The following LRMDA variants were observed in gnomAD, a reference collection of about 807,000 sequenced individuals.
LRMDA encodes the protein leucine rich melanocyte differentiation associated, also known as leucine-rich melanocyte differentiation-associated protein.
LRMDA carries 18 observed loss-of-function variants against 29.8 expected under a neutral mutation model. The ratio of observed to expected loss-of-function variants is 0.60; its 90% CI spans 0.42 to 0.90. The LOEUF is 0.90. Among genes scored for constraint, LRMDA ranks in the 40% least tolerant of loss-of-function variants. The pLI, the probability that LRMDA is intolerant of heterozygous loss-of-function variation, is 0.00. For synonymous variants in LRMDA, 125 were observed against 109.4 expected, an observed-to-expected ratio of 1.14 and a Z score of -0.89; for missense variants, 273 against 273.9, an observed-to-expected ratio of 1.00 and a Z score of 0.02.
chr10:76,436,174 G>A (rs879172107), intron 6 of LRMDA, among the ~76,000 whole-genome samples: 10 of 152,318 alleles, frequency 6.6e-5, no homozygotes, highest in Admixed American at 1.3e-4. Context: ...AGAAGCAGAT[G>A]AGTAGAGGTT....
At chr10:76,289,974 T>A (rs755612448) in intron 5 of LRMDA, among the ~76,000 whole-genome samples, 2 of 152,180 alleles carry the variant, frequency 1.3e-5, no homozygotes, top group Non-Finnish European at 2.9e-5. Context: ...GGTTCTCCAA[T>A]GCCTGCAAGG....
Position 76,225,696 on chromosome 10 carries a change from TTTTATTTATTTA to T in LRMDA, c.517-98690_517-98679del, listed in dbSNP as rs141422770. Among the ~76,000 whole-genome samples the T allele has an allele frequency of 4.1e-5, 6 of 144,990 alleles. No individual in the cohort carries two copies. In the South Asian group the frequency reaches 1.1e-3, roughly 27 times the overall value. ...GAAATATCTGAGACTGGGTAATTTA[TTTTATTTATTTA>T]TTTATTTATTTATTATTATATATAT... is the stretch of plus-strand genomic sequence containing the variant. On this transcript the variant is annotated intron_variant, in intron 5 of 6. Coordinates refer to ENST00000611255, the MANE Select transcript of LRMDA (RefSeq NM_001305581.2).
intron 2 of LRMDA, among the ~76,000 whole-genome samples, chr10:75,561,589 C>T (rs1589184805): frequency 6.6e-6 from 1 of 150,832 alleles, no homozygotes; most frequent in Non-Finnish European, 1.5e-5. Context: ...AATGTGTTTG[C>T]TCTTGCTTTT....
intron 3 of LRMDA, among the ~76,000 whole-genome samples, chr10:76,041,979 A>G (rs1396719560): frequency 6.6e-6 from 1 of 152,162 alleles, no homozygotes; most frequent in East Asian, 1.9e-4. Context: ...TTAGCCAGGG[A>G]CACCAGGTTT....
intron 2 of LRMDA, among the ~76,000 whole-genome samples, chr10:75,922,231 AAAG>A (rs1412419229): frequency 2.0e-5 from 3 of 152,168 alleles, no homozygotes; most frequent in Non-Finnish European, 2.9e-5. Flanking sequence ...CACTATTTAG[AAAG>A]AAGAAGTGTT....
chr10:76,216,862 A>C (rs1851738112), intron 5 of LRMDA, among the ~76,000 whole-genome samples: 1 of 152,250 alleles, frequency 6.6e-6, no homozygotes, highest in African/African-American at 2.4e-5. Flanking sequence ...TTCGTACCTA[A>C]AAACCAAAGG....
chr10:76,212,065 A>G (rs2132246685), intron 5 of LRMDA, among the ~76,000 whole-genome samples: 2 of 152,334 alleles, frequency 1.3e-5, no homozygotes, highest in East Asian at 3.9e-4. Flanking sequence ...CAAGACTCTC[A>G]GCATCACAGA....
chr10:75,469,596 G>C (rs1171870532), intron 2 of LRMDA, among the ~76,000 whole-genome samples: 2 of 152,182 alleles, frequency 1.3e-5, no homozygotes, highest in Admixed American at 1.3e-4. Context: ...GCGTGTGTGT[G>C]TGTGTGTGTT....
In LRMDA at chr10:75,627,358, A is replaced by G. The variant is rs905176943; in HGVS notation, c.131+188864A>G. The stretch of plus-strand genomic sequence containing the variant: ...ATTTTCCTTGGAAACTGTCTCCCCT[A>G]TAACAGTTTTCCTGTGTTCTTCTGT... On this transcript the variant is annotated intron_variant, in intron 2 of 6. Transcript: ENST00000611255. Among the ~76,000 whole-genome samples, 4 of 152,338 alleles carry G rather than the reference A, an allele frequency of 2.6e-5. No homozygotes were observed. The South Asian group carries it at 6.2e-4, about 24-fold the overall frequency.
At chr10:76,113,932 C>T (rs1484284128) in intron 5 of LRMDA, among the ~76,000 whole-genome samples, 1 of 152,190 alleles carries the variant, frequency 6.6e-6, no homozygotes, top group African/African-American at 2.4e-5. Flanking sequence ...GTTTGCAGCA[C>T]AGTTTAAAGC....
chr10:76,114,156 C>T (rs1849626252), intron 5 of LRMDA, among the ~76,000 whole-genome samples: 1 of 152,220 alleles, frequency 6.6e-6, no homozygotes, highest in African/African-American at 2.4e-5. Flanking sequence ...GCTGACAACA[C>T]ATTAATCACC....
chr10:75,968,202 G>C (rs1178731505), intron 2 of LRMDA, among the ~76,000 whole-genome samples: 5 of 152,058 alleles, frequency 3.3e-5, no homozygotes, highest in African/African-American at 1.2e-4. Context: ...TTAGTGGGGA[G>C]CTCTTGTGAG....
At chr10:76,236,897 A>T (rs1332844317) in intron 5 of LRMDA, among the ~76,000 whole-genome samples, 2 of 152,282 alleles carry the variant, frequency 1.3e-5, no homozygotes, top group Non-Finnish European at 2.9e-5. Context: ...GCCAGCAGCA[A>T]CTATAATTTC....
chr10:76,106,173 G>A (rs2132108182), intron 5 of LRMDA, among the ~76,000 whole-genome samples: 1 of 152,294 alleles, frequency 6.6e-6, no homozygotes, highest in Non-Finnish European at 1.5e-5. Flanking sequence ...ACACTGATAT[G>A]ACCTCCATTT....
intron 6 of LRMDA, among the ~76,000 whole-genome samples, chr10:76,338,341 G>A (rs778722348): frequency 1.3e-5 from 2 of 150,998 alleles, no homozygotes; most frequent in East Asian, 2.0e-4. Context: ...TCCAGCCGGG[G>A]CAGCATAGTG....
chr10:76,370,224 A>C (rs1278173740), intron 6 of LRMDA, among the ~76,000 whole-genome samples: 1 of 152,100 alleles, frequency 6.6e-6, no homozygotes, highest in Non-Finnish European at 1.5e-5. Context: ...CCTCCCCCTA[A>C]AATTATATAA....
chr10:76,098,493 TTTCA>T (rs1299716326), intron 5 of LRMDA, among the ~76,000 whole-genome samples: 7 of 152,236 alleles, frequency 4.6e-5, no homozygotes, highest in African/African-American at 1.7e-4. Flanking sequence ...TGTAATATTC[TTTCA>T]TTATCATTTT....
intron 6 of LRMDA, among the ~76,000 whole-genome samples, chr10:76,403,829 A>G (rs1320088563): frequency 6.6e-6 from 1 of 152,146 alleles, no homozygotes; most frequent in Non-Finnish European, 1.5e-5. Flanking sequence ...TAAATCAAGT[A>G]AAGTAATCCA....
At chr10:75,712,942 C>T (rs1842454824) in intron 2 of LRMDA, among the ~76,000 whole-genome samples, 1 of 152,098 alleles carries the variant, frequency 6.6e-6, no homozygotes, top group Non-Finnish European at 1.5e-5. Context: ...ACTAAATTTA[C>T]CTTAATCAGT....
Sources: gnomAD v4.1 joint callset for allele counts (sites outside exome capture counted in the v4.1 genomes callset) on GRCh38, gnomAD v4.1.1 for gene constraint, MANE v1.5 for transcripts, NCBI Gene and HGNC (gene_info 2026-07-23, HGNC 2026-07-21) for gene names.